The following DCT variants were observed in gnomAD, a reference collection of about 807,000 sequenced individuals.
DCT encodes the protein L-dopachrome tautomerase.
A neutral mutation model predicts 53.0 loss-of-function variants in DCT; 47 were observed. The observed-to-expected ratio is 0.89, with a 90% CI of 0.70 to 1.13. DCT has a LOEUF of 1.13. DCT is among the 50% of genes most tolerant of loss of function. The probability of loss-of-function intolerance (pLI) is 0.00; values close to 1 mark genes in which losing one functional copy is unlikely to be tolerated. For missense variants in DCT, 669 were observed against 637.4 expected (o/e 1.05, Z -0.53); for synonymous variants, 244 against 237.0 (o/e 1.03, Z -0.27).
At chr13:94,520,637 T>C in the DCT span, among the ~76,000 whole-genome samples, 1 of 152,148 alleles carries the variant, frequency 6.6e-6, no homozygotes, top group African/African-American at 2.4e-5. Flanking sequence ...CTGCCTTCCT[T>C]TCTCTCTAAA....
At chr13:94,542,122 A>C in the DCT span, among the ~76,000 whole-genome samples, 4 of 152,194 alleles carry the variant, frequency 2.6e-5, no homozygotes, top group Non-Finnish European at 5.9e-5. Flanking sequence ...CATCATTTAA[A>C]AGTCTGTGTT....
the DCT span, among the ~76,000 whole-genome samples, chr13:94,548,854 A>G: frequency 6.6e-6 from 1 of 152,194 alleles, no homozygotes; most frequent in African/African-American, 2.4e-5. Context: ...TAGAAACAGA[A>G]AGGAACGTCT....
the DCT span, among the ~76,000 whole-genome samples, chr13:94,526,662 G>A: frequency 3.1e-3 from 473 of 152,246 alleles, 2 homozygotes; most frequent in African/African-American, 0.011. Flanking sequence ...TTCCAAGATG[G>A]CCGAATAGGA....
rs144370551 is a variant in DCT, at chr13:94,468,937, G to T, written c.404C>A (p.Pro135His). Reference protein sequence around the residue: ...VIRQNIHSLSPQEREQFLGAL... With the variant: ...VIRQNIHSLSHQEREQFLGAL... The stretch of plus-strand genomic sequence containing the variant: ...GCCCAAGAACTGCTCTCTTTCCTGA[G>T]GACTCAAGGAATGGATGTTCTGCCG... Residue 135 changes from proline to histidine, a missense_variant, in exon 2 of 8, where the codon CCT becomes CAT. By Grantham distance (77) the Pro-to-His change is moderately conservative. Transcript: ENST00000377028. 166 of 1,613,932 alleles carry T rather than the reference G, an allele frequency of 1.0e-4. No homozygotes were observed. Among genetic ancestry groups the T allele is most frequent in the Non-Finnish European group, 1.2e-4 (143 of 1,179,964 alleles).
chr13:94,530,809 G>T, the DCT span, among the ~76,000 whole-genome samples: 2 of 152,226 alleles, frequency 1.3e-5, no homozygotes, highest in South Asian at 4.2e-4. Flanking sequence ...GCAGAAGAAA[G>T]AAATAAAGGG....
the DCT span, among the ~76,000 whole-genome samples, chr13:94,542,807 A>G: frequency 6.6e-6 from 1 of 152,192 alleles, no homozygotes; most frequent in Non-Finnish European, 1.5e-5. Context: ...CTTAAACACA[A>G]AACAAAAACA....
chr13:94,507,059 A>G, the DCT span, among the ~76,000 whole-genome samples: 81 of 152,310 alleles, frequency 5.3e-4, no homozygotes, highest in African/African-American at 1.7e-3. Flanking sequence ...GTCATAAAAG[A>G]CAAAGACTAA....
the DCT span, among the ~76,000 whole-genome samples, chr13:94,536,619 A>G: frequency 6.6e-6 from 1 of 152,070 alleles, no homozygotes; most frequent in Admixed American, 6.5e-5. Context: ...TATGTGACAC[A>G]TCTGCCTCTG....
the DCT span, among the ~76,000 whole-genome samples, chr13:94,511,348 TTC>T: frequency 0.26 from 37,403 of 145,346 alleles, 5,712 homozygotes; most frequent in East Asian, 0.59. Flanking sequence ...CTACATAACT[TTC>T]TCTCTCTCTC....
chr13:94,495,728 T>C, the DCT span, among the ~76,000 whole-genome samples: 13 of 152,332 alleles, frequency 8.5e-5, 1 homozygote, highest in South Asian at 4.1e-4. Context: ...CATTCCACAA[T>C]TGTGAAGGAT....
intron 1 of DCT, among the ~76,000 whole-genome samples, chr13:94,475,828 CTGTG>C (rs1311149691): frequency 6.6e-6 from 1 of 152,206 alleles, no homozygotes; most frequent in Non-Finnish European, 1.5e-5. Context: ...GTGCAGTGTT[CTGTG>C]TAACAATTAT....
At chr13:94,541,379 T>A in the DCT span, among the ~76,000 whole-genome samples, 1 of 151,948 alleles carries the variant, frequency 6.6e-6, no homozygotes, top group African/African-American at 2.4e-5. Context: ...TAGTGGGCAC[T>A]TGTAATCCCA....
the DCT span, among the ~76,000 whole-genome samples, chr13:94,535,237 G>A: frequency 3.9e-5 from 6 of 152,202 alleles, no homozygotes; most frequent in African/African-American, 1.4e-4. Flanking sequence ...CATGTCCTCA[G>A]TTGTATGTAT....
chr13:94,537,088 A>C, the DCT span, among the ~76,000 whole-genome samples: 1 of 152,236 alleles, frequency 6.6e-6, no homozygotes, highest in Non-Finnish European at 1.5e-5. Context: ...CTTTATAGCA[A>C]TGCAAAACAA....
chr13:94,489,779 C>CAT, the DCT span, among the ~76,000 whole-genome samples: 1 of 151,960 alleles, frequency 6.6e-6, no homozygotes, highest in Admixed American at 6.6e-5. Context: ...CACACACACA[C>CAT]ACACATATAC....
chr13:94,457,533 G>A (rs989612238), intron 6 of DCT, among the ~76,000 whole-genome samples: 5 of 152,120 alleles, frequency 3.3e-5, no homozygotes, highest in African/African-American at 9.7e-5. Flanking sequence ...TTTCATTATG[G>A]CAGCCTGAGC....
chr13:94,494,640 C>T, the DCT span, among the ~76,000 whole-genome samples: 2 of 152,048 alleles, frequency 1.3e-5, no homozygotes, highest in South Asian at 2.1e-4. Flanking sequence ...TGAAAACTTT[C>T]TATAATATAA....
At chr13:94,503,352 C>T in the DCT span, among the ~76,000 whole-genome samples, 1 of 145,384 alleles carries the variant, frequency 6.9e-6, no homozygotes, top group Non-Finnish European at 1.5e-5. Flanking sequence ...TGCACTGCAG[C>T]TAGGGTGACA....
At position 94,443,462 on chromosome 13, in the gene DCT, C is replaced by T. The variant is rs895526135; in HGVS notation, c.1355G>A (p.Gly452Asp). 1.2e-6 allele frequency: 2 copies of T among 1,613,918 alleles called. No homozygotes were observed. Among genetic ancestry groups the T allele is most frequent in the Middle Eastern group, 1.7e-4 (1 of 6,060 alleles). ...TGGCAGATCGATGGCATAGCTGTAG[C>T]CAAGTTGGTCTGAGGTTAAAAAGAG... ...EELFLTSDQLGYSYAIDLPVS... is the reference protein window; with the variant it reads ...EELFLTSDQLDYSYAIDLPVS... The change falls in exon 7 of 8, where the codon GGC becomes GAC. Residue 452 changes from glycine to aspartate, a missense_variant. Coordinates refer to ENST00000377028, the MANE Select transcript of DCT (RefSeq NM_001922.5).
Sources: allele counts gnomAD v4.1 joint callset (sites outside exome capture counted in the v4.1 genomes callset), GRCh38; gene constraint gnomAD v4.1.1; transcripts MANE v1.5; gene names NCBI Gene and HGNC (gene_info 2026-07-23, HGNC 2026-07-21).